MCIDAS: variants seen among roughly 807,000 people sequenced by gnomAD.
The protein encoded by MCIDAS is multicilin.
A neutral mutation model predicts 35.4 loss-of-function variants in MCIDAS; 23 were observed. That is an observed-to-expected ratio of 0.65 (90% CI 0.47 to 0.92). MCIDAS has a LOEUF of 0.92. MCIDAS is among the 40% of genes least tolerant of loss of function. The probability of loss-of-function intolerance (pLI) is 0.00; values close to 1 mark genes in which losing one functional copy is unlikely to be tolerated. For missense variants in MCIDAS, 480 were observed against 531.8 expected (o/e 0.90, Z 0.96); for synonymous variants, 228 against 235.2 (o/e 0.97, Z 0.28).
In MCIDAS at chr5:55,220,660, G is replaced by A. The variant is rs1486362607; in HGVS notation, c.864C>T (p.Ser288=). ...AEVDAILREI[S]ERCDEALQSR... is the part of the protein sequence containing the mutation. ...TCTGAAGGGCTTCATCGCAGCGCTC[G>A]GAAATCTCCCTCAGGATGGCGTCCA... The change falls in exon 7 of 7, where the codon TCC becomes TCT. Residue 288 remains serine, a synonymous_variant. Transcript: ENST00000513312. The A allele has an allele frequency of 6.5e-7, 1 of 1,536,086 alleles. No individual in the cohort carries two copies. Among genetic ancestry groups the A allele is most frequent in the Non-Finnish European group, 8.7e-7 (1 of 1,146,862 alleles).
chr5:55,222,778 C>T lies in MCIDAS; in HGVS notation c.382+173G>A, dbSNP rs543237759. ...TAGATCCAGCGGTTCGACTTCTCCA[C>T]GGGGGAGAGAAATGTCCTAAATATG... is the stretch of plus-strand genomic sequence containing the variant. On this transcript the variant is annotated intron_variant, in intron 4 of 6. Coordinates refer to ENST00000513312, the MANE Select transcript of MCIDAS (RefSeq NM_001190787.3). Among the ~76,000 whole-genome samples, 40 of 152,272 alleles carry T rather than the reference C, an allele frequency of 2.6e-4. 1 individual carries two copies. The South Asian group carries it at 7.5e-3, about 28-fold the overall frequency.
intron 3 of MCIDAS, among the ~76,000 whole-genome samples, chr5:55,225,866 G>A (rs1745446005): frequency 1.3e-5 from 2 of 152,172 alleles, no homozygotes; most frequent in Admixed American, 6.5e-5. Context: ...CCTGGGAAGC[G>A]TCAGCACCAG....
chr5:55,224,058 CCTAA>C (rs973750210), intron 3 of MCIDAS, among the ~76,000 whole-genome samples: 22 of 152,200 alleles, frequency 1.4e-4, no homozygotes, highest in South Asian at 4.2e-4. Context: ...GCGGCAGGGG[CCTAA>C]CTGATTCCTC....
In MCIDAS at chr5:55,226,661, G is replaced by A; in HGVS notation, c.224C>T (p.Thr75Ile). The change falls in exon 3 of 7, where the codon ACC becomes ATC. Residue 75 changes from threonine (T) to isoleucine (I), a missense_variant. Transcript: ENST00000513312. ...DAEPTALPALTTIDLQDLADC... is the reference protein window; with the variant it reads ...DAEPTALPALITIDLQDLADC... Reference sequence around the variant, plus strand: ...AGCGAGGTCCTGCAGGTCTATGGTGGTGAGGGCTGCGCGGGGAGACCGGGA... The same window carrying A: ...AGCGAGGTCCTGCAGGTCTATGGTGATGAGGGCTGCGCGGGGAGACCGGGA... 1.3e-6 allele frequency: 2 copies of A among 1,518,102 alleles called. No individual in the cohort carries two copies. Among genetic ancestry groups the A allele is most frequent in the Non-Finnish European group, 1.8e-6 (2 of 1,138,942 alleles). 94.0% of individuals were successfully genotyped at this position (1,518,102 alleles called of 1,614,324 possible). A position where few individuals can be genotyped will look rare whatever the true frequency, so the allele number is the denominator to read the frequency against.
Position 55,223,639 on chromosome 5 carries a change from G to T in MCIDAS, c.310-616C>A, listed in dbSNP as rs1270310363. Among the ~76,000 whole-genome samples the T allele has an allele frequency of 6.6e-6, 1 of 152,212 alleles. No homozygotes were observed. The highest frequency in any genetic ancestry group is 1.9e-4 in the East Asian group (1 of 5,200). On this transcript the variant is annotated intron_variant, in intron 3 of 6. Coordinates refer to ENST00000513312, the MANE Select transcript of MCIDAS (RefSeq NM_001190787.3). The surrounding 1 kb of genome is among the most constrained non-coding windows in gnomAD (Gnocchi z 4.4). ...CACCGGATCTTTCCACCCAAGACCC[G>T]ACAGCGTGCAGGGGCCTCGAGCAGT...
In MCIDAS at chr5:55,221,779, G is replaced by T. The variant is rs561458649; in HGVS notation, c.606+397C>A. Among the ~76,000 whole-genome samples, 10 of 152,100 alleles carry T rather than the reference G, an allele frequency of 6.6e-5. No homozygotes were observed. The East Asian group carries it at 1.9e-3, about 29-fold the overall frequency. On this transcript the variant is annotated intron_variant, in intron 5 of 6. Coordinates refer to ENST00000513312, the MANE Select transcript of MCIDAS (RefSeq NM_001190787.3). ...GTCTCTACTAAAAATATAAAAATTG[G>T]CCAGGTATGGTGGCATGCGCTTGTA... is the stretch of plus-strand genomic sequence containing the variant.
In MCIDAS at chr5:55,226,551, G is replaced by C. The variant is rs559514544; in HGVS notation, c.309+25C>G. On this transcript the variant is annotated intron_variant, in intron 3 of 6. Transcript: ENST00000513312. The stretch of plus-strand genomic sequence containing the variant: ...GAGGGTTTGGGTTGCGTGAAACCAC[G>C]AGGCTCCACGAGAAGGGGAGGTACC... 380 of 1,526,802 alleles carry C rather than the reference G, an allele frequency of 2.5e-4. 1 individual carries two copies. Among genetic ancestry groups the C allele is most frequent in the Non-Finnish European group, 3.2e-4 (362 of 1,142,606 alleles). 94.6% of individuals were successfully genotyped at this position (1,526,802 alleles called of 1,614,324 possible). A position where few individuals can be genotyped will look rare whatever the true frequency, so the allele number is the denominator to read the frequency against.
chr5:55,226,958 C>T, intron 1 of MCIDAS, 27 bp from the exon 2 acceptor site: 2 of 1,484,510 alleles, frequency 1.3e-6, no homozygotes, highest in East Asian at 2.7e-5. Flanking sequence ...ACGTTGAACG[C>T]GGGTCAGCCC....
rs1347065948 is a variant in MCIDAS at position 55,222,195 on chromosome 5, G to A, written c.587C>T (p.Ala196Val). The A allele has an allele frequency of 6.5e-7, 1 of 1,534,924 alleles. No individual in the cohort carries two copies. Among genetic ancestry groups the A allele is most frequent in the East Asian group, 2.4e-5 (1 of 40,908 alleles). Residue 196 changes from alanine to valine, a missense_variant, in exon 5 of 7, where the codon GCG becomes GTG. Coordinates refer to ENST00000513312, the MANE Select transcript of MCIDAS (RefSeq NM_001190787.3). The stretch of plus-strand genomic sequence containing the variant: ...CCCTACTTGATTATTCTCAACAAGC[G>A]CGTCTCCCAACGCTCTCTGGTTCTG... ...ADQNQRALGD[A>V]LVENNQLHVT...
chr5:55,223,162 T>TC lies in MCIDAS; in HGVS notation c.310-140dup. 3 of 678,222 alleles carry TC rather than the reference T, an allele frequency of 4.4e-6. No individual in the cohort carries two copies. Among genetic ancestry groups the TC allele is most frequent in the Non-Finnish European group, 7.4e-6 (3 of 404,316 alleles). The allele number at this position is 678,222 out of a possible 1,614,324, so 42.0% of individuals were successfully genotyped here. On this transcript the variant is annotated intron_variant, in intron 3 of 6. Transcript: ENST00000513312. The surrounding 1 kb of genome is among the most constrained non-coding windows in gnomAD (Gnocchi z 4.4). ...ACACAACTGCACTTGTACCCCTAAG[T>TC]CCCCCCAAATAAAACAATTTTTGTG...
In MCIDAS at chr5:55,220,141, C is replaced by A; in HGVS notation, c.*225G>T. ...TAAAAATAAATACTTTTAAAATTGG[C>A]TGTGACATATGTGACATATACATAT... On this transcript the variant is annotated 3_prime_UTR_variant, in exon 7 of 7. Transcript: ENST00000513312. The A allele has an allele frequency of 2.1e-6, 1 of 470,802 alleles. No homozygotes were observed. The highest frequency in any genetic ancestry group is 3.7e-6 in the Non-Finnish European group (1 of 270,202). The allele number at this position is 470,802 out of a possible 1,614,324, so 29.2% of individuals were successfully genotyped here.
At chr5:55,222,871 G>T in intron 4 of MCIDAS, 80 bp downstream of exon 4, 1 of 1,262,322 alleles carries the variant, frequency 7.9e-7, no homozygotes, top group South Asian at 1.3e-5. Flanking sequence ...CCACCTTCAC[G>T]ACCACGAAAT....
intron 3 of MCIDAS, 76 bp downstream of exon 3, chr5:55,226,500 G>C (rs1250620811): frequency 7.1e-7 from 1 of 1,402,902 alleles, no homozygotes; most frequent in East Asian, 2.7e-5. Flanking sequence ...AGGAGCTTTT[G>C]GGGAATTAAA....
chr5:55,222,233 C>T lies in MCIDAS; in HGVS notation c.549G>A (p.Lys183=), dbSNP rs1239686764. 1.3e-6 allele frequency: 2 copies of T among 1,535,942 alleles called. No individual in the cohort carries two copies. The highest frequency in any genetic ancestry group is 2.4e-5 in the South Asian group (2 of 84,042). ...PDVPPPEQYW[K]EVADQNQRAL... ...CTCTCTGGTTCTGGTCCGCCACCTCCTTCCAGTATTGCTCAGGCGGGGGCA... is the reference window on the plus strand; with the variant it reads ...CTCTCTGGTTCTGGTCCGCCACCTCTTTCCAGTATTGCTCAGGCGGGGGCA... The change falls in exon 5 of 7, where the codon AAG becomes AAA. Residue 183 remains lysine, a synonymous_variant. Coordinates refer to ENST00000513312, the MANE Select transcript of MCIDAS (RefSeq NM_001190787.3).
At position 55,222,394 on chromosome 5, in the gene MCIDAS, A is replaced by T; in HGVS notation, c.388T>A (p.Ser130Thr). The change falls in exon 5 of 7, where the codon TCC becomes ACC. Residue 130 changes from serine to threonine, a missense_variant. Transcript: ENST00000513312. ...GCCAGGGTAGGCGACATCATAGAGG[A>T]TGAGTCTGGAGAAGAGCAGGAGCTG... ...DTVDDLISDSSSMMSPTLASG... is the reference protein window; with the variant it reads ...DTVDDLISDSTSMMSPTLASG... The T allele has an allele frequency of 6.7e-7, 1 of 1,502,736 alleles. No homozygotes were observed. 93.1% of individuals were successfully genotyped at this position (1,502,736 alleles called of 1,614,324 possible).
In MCIDAS at chr5:55,226,950, G is replaced by T. The variant is rs181955833; in HGVS notation, c.121-19C>A. ...GAGCGAACTGGCCGGGCACACAAAC[G>T]TTGAACGCGGGTCAGCCCTCGGGGC... On this transcript the variant is annotated intron_variant, in intron 1 of 6. Transcript: ENST00000513312. 6.1e-4 allele frequency: 907 copies of T among 1,479,038 alleles called. No homozygotes were observed. The African/African-American group carries it at 6.8e-3, about 11-fold the overall frequency. 91.6% of individuals were successfully genotyped at this position (1,479,038 alleles called of 1,614,324 possible).
At chr5:55,221,235 G>A (rs1275240785) in intron 5 of MCIDAS, 109 bp from the exon 6 acceptor site, 1 of 684,456 alleles carries the variant, frequency 1.5e-6, no homozygotes, top group South Asian at 1.9e-5. Flanking sequence ...AACTGGGGAC[G>A]CACAGGCATT....
At chr5:55,222,662 C>A (rs761864705) in intron 4 of MCIDAS, among the ~76,000 whole-genome samples, 1 of 152,094 alleles carries the variant, frequency 6.6e-6, no homozygotes, top group Non-Finnish European at 1.5e-5. Context: ...CCTTCGATAC[C>A]CTGCACACTC....
chr5:55,222,559 G>A (rs1745381115), intron 4 of MCIDAS, among the ~76,000 whole-genome samples, 160 bp from the exon 5 acceptor site: 1 of 152,094 alleles, frequency 6.6e-6, no homozygotes, highest in African/African-American at 2.4e-5. Context: ...CTTCCTGATA[G>A]CCTGTACATA....
Sources: allele counts gnomAD v4.1 joint callset (sites outside exome capture counted in the v4.1 genomes callset), GRCh38; gene constraint gnomAD v4.1.1; non-coding constraint Gnocchi (gnomAD v3.1); transcripts MANE v1.5; gene names NCBI Gene and HGNC (gene_info 2026-07-23, HGNC 2026-07-21).